CHMP4B: variants seen among roughly 807,000 people sequenced by gnomAD.
CHMP4B encodes SNF7 homolog associated with Alix 1.
A neutral mutation model predicts 25.1 loss-of-function variants in CHMP4B; 1 was observed. That is an observed-to-expected ratio of 0.04 (90% CI 0.01 to 0.19). The LOEUF (loss-of-function observed/expected upper bound fraction) is 0.19. Ranked by LOEUF, CHMP4B falls within the 10% of genes least tolerant of loss-of-function variation. CHMP4B has a pLI of 1.00. For synonymous variants in CHMP4B, 101 were observed against 115.6 expected (o/e 0.87, Z 0.81); for missense variants, 151 against 289.7 (o/e 0.52, Z 3.48).
At chr20:33,840,064 T>A (rs539998633) in intron 1 of CHMP4B, among the ~76,000 whole-genome samples, 2 of 152,280 alleles carry the variant, frequency 1.3e-5, no homozygotes, top group Admixed American at 6.5e-5. Context: ...GTATACTCTT[T>A]CTTAGACATA....
Position 33,825,330 on chromosome 20 carries a change from A to G in CHMP4B, c.190+13672A>G, listed in dbSNP as rs145340556. Among the ~76,000 whole-genome samples the G allele has an allele frequency of 7.9e-5, 12 of 152,274 alleles. 1 individual carries two copies. Among genetic ancestry groups the G allele is most frequent in the African/African-American group, 2.9e-4 (12 of 41,564 alleles). On this transcript the variant is annotated intron_variant, in intron 1 of 4. Coordinates refer to ENST00000217402, the MANE Select transcript of CHMP4B (RefSeq NM_176812.5). ...GTCTGCGTAAATGGTAGATGGTCAC[A>G]TGGTAGTTGTTTTTATTATTGTGTG...
intron 4 of CHMP4B, among the ~76,000 whole-genome samples, chr20:33,853,244 G>T (rs2122820460): frequency 6.6e-6 from 1 of 152,302 alleles, no homozygotes; most frequent in East Asian, 1.9e-4. Flanking sequence ...GAGGGCCTCT[G>T]TGTAGAATCC....
At chr20:33,836,524 A>G (rs983778556) in intron 1 of CHMP4B, among the ~76,000 whole-genome samples, 1 of 152,050 alleles carries the variant, frequency 6.6e-6, no homozygotes, top group Non-Finnish European at 1.5e-5. Context: ...AGTACTTAAT[A>G]TTATTTATTC....
At chr20:33,852,025 C>A (rs957490462) in intron 3 of CHMP4B, 52 bp from the exon 4 acceptor site, 2 of 1,611,970 alleles carry the variant, frequency 1.2e-6, no homozygotes, top group African/African-American at 1.3e-5. Flanking sequence ...GGCATGACCG[C>A]GGGGGCTGGG....
chr20:33,834,066 T>C (rs1386760585), intron 1 of CHMP4B, among the ~76,000 whole-genome samples: 1 of 152,202 alleles, frequency 6.6e-6, no homozygotes, highest in African/African-American at 2.4e-5. Context: ...TAATATCCCC[T>C]TTTTATCCTT....
At chr20:33,844,693 A>G (rs984528889) in intron 1 of CHMP4B, among the ~76,000 whole-genome samples, 3 of 152,136 alleles carry the variant, frequency 2.0e-5, no homozygotes, top group Non-Finnish European at 4.4e-5. Flanking sequence ...TTTCATAAGC[A>G]TTTTACCAAG....
At chr20:33,822,820 A>G (rs1978979860) in intron 1 of CHMP4B, among the ~76,000 whole-genome samples, 2 of 152,042 alleles carry the variant, frequency 1.3e-5, no homozygotes, top group African/African-American at 4.8e-5. Flanking sequence ...TTGAGACAAG[A>G]GTCTCATTCT....
At chr20:33,813,449 G>A (rs1471477620) in intron 1 of CHMP4B, among the ~76,000 whole-genome samples, 1 of 152,150 alleles carries the variant, frequency 6.6e-6, no homozygotes, top group Non-Finnish European at 1.5e-5. Flanking sequence ...TGGGGGATGC[G>A]GGTGGGAGCA....
At position 33,834,515 on chromosome 20, in the gene CHMP4B, G is replaced by A. The variant is rs117710184; in HGVS notation, c.191-13952G>A. Among the ~76,000 whole-genome samples, 964 of 152,212 alleles carry A rather than the reference G, an allele frequency of 6.3e-3. 11 individuals are homozygous for A. Among genetic ancestry groups the A allele is most frequent in the Non-Finnish European group, 0.011 (761 of 68,008 alleles). On this transcript the variant is annotated intron_variant, in intron 1 of 4. Transcript: ENST00000217402. ...TTTAATAGAAATAAGGTCTTGCCAC[G>A]TTGCTCAGTCCCAAGCTGGTCTTTT... is the stretch of plus-strand genomic sequence containing the variant.
At chr20:33,828,383 C>A (rs1056459666) in intron 1 of CHMP4B, among the ~76,000 whole-genome samples, 1 of 152,198 alleles carries the variant, frequency 6.6e-6, no homozygotes, top group Non-Finnish European at 1.5e-5. Flanking sequence ...ATGTGGCCAA[C>A]CCTGCCAGAA....
At chr20:33,831,817 G>C (rs1245999412) in intron 1 of CHMP4B, among the ~76,000 whole-genome samples, 1 of 152,146 alleles carries the variant, frequency 6.6e-6, no homozygotes, top group Non-Finnish European at 1.5e-5. Flanking sequence ...CCATGAACCA[G>C]ACTGTTTTTG....
chr20:33,850,397 C>T (rs1357694459), intron 2 of CHMP4B, among the ~76,000 whole-genome samples: 1 of 152,220 alleles, frequency 6.6e-6, no homozygotes, highest in African/African-American at 2.4e-5. Context: ...TCATTAAATA[C>T]TGTGCAAATG....
intron 1 of CHMP4B, among the ~76,000 whole-genome samples, chr20:33,842,285 C>T (rs571445797): frequency 6.6e-6 from 1 of 152,164 alleles, no homozygotes; most frequent in African/African-American, 2.4e-5. Context: ...CAAGATTGGG[C>T]ATGTTCAGGG....
At chr20:33,816,993 T>C (rs192677222) in intron 1 of CHMP4B, among the ~76,000 whole-genome samples, 139 of 152,324 alleles carry the variant, frequency 9.1e-4, no homozygotes, top group African/African-American at 3.2e-3. Context: ...ATAAAGTCTC[T>C]CTCAAACATG....
rs137928455 is a variant in CHMP4B at position 33,823,791 on chromosome 20, C to T, written c.190+12133C>T. On this transcript the variant is annotated intron_variant, in intron 1 of 4. Coordinates refer to ENST00000217402, the MANE Select transcript of CHMP4B (RefSeq NM_176812.5). ...AACTCCTGACCTCAGGTGATTCACTCGGCTTCCCGAAGTGCTGGGATTACA... is the reference window on the plus strand; with the variant it reads ...AACTCCTGACCTCAGGTGATTCACTTGGCTTCCCGAAGTGCTGGGATTACA... Among the ~76,000 whole-genome samples, 753 of 152,312 alleles carry T rather than the reference C, an allele frequency of 4.9e-3. 1 individual carries two copies. Among genetic ancestry groups the T allele is most frequent in the Non-Finnish European group, 8.4e-3 (570 of 68,024 alleles).
chr20:33,835,008 C>T (rs1380457664), intron 1 of CHMP4B, among the ~76,000 whole-genome samples: 1 of 152,124 alleles, frequency 6.6e-6, no homozygotes, highest in Non-Finnish European at 1.5e-5. Context: ...GTTGGCCAGG[C>T]TGGTCTTGAA....
At chr20:33,830,933 G>GTT (rs55917511) in intron 1 of CHMP4B, among the ~76,000 whole-genome samples, 6 of 102,564 alleles carry the variant, frequency 5.9e-5, no homozygotes, top group Non-Finnish European at 9.4e-5. Context: ...AAGGAACAGA[G>GTT]TTTTTTTTTT....
rs748071615 is a variant in CHMP4B at position 33,853,571 on chromosome 20, C to T, written c.*11C>T. Reference sequence around the variant, plus strand: ...GCTGGATCCATGTAATGGGGTCCAGCGCTGGCTGGGCCCAGACAGACTGTG... The same window carrying T: ...GCTGGATCCATGTAATGGGGTCCAGTGCTGGCTGGGCCCAGACAGACTGTG... On this transcript the variant is annotated 3_prime_UTR_variant, in exon 5 of 5. Transcript: ENST00000217402. The T allele has an allele frequency of 1.4e-5, 22 of 1,612,762 alleles. No individual in the cohort carries two copies. Among genetic ancestry groups the T allele is most frequent in the African/African-American group, 5.3e-5 (4 of 74,778 alleles).
intron 1 of CHMP4B, among the ~76,000 whole-genome samples, chr20:33,829,591 A>G (rs573649934): frequency 2.6e-5 from 4 of 152,212 alleles, no homozygotes; most frequent in Non-Finnish European, 5.9e-5. Flanking sequence ...TCAATTTCTT[A>G]TGTGAAACCA....
Sources: allele counts gnomAD v4.1 joint callset (sites outside exome capture counted in the v4.1 genomes callset), GRCh38; gene constraint gnomAD v4.1.1; transcripts MANE v1.5; gene names NCBI Gene and HGNC (gene_info 2026-07-23, HGNC 2026-07-21).